Variants in MSI2 observed in about 807,000 individuals in gnomAD.
MSI2 encodes the protein RNA-binding protein Musashi homolog 2.
MSI2 carries 17 observed loss-of-function variants against 45.6 expected under a neutral mutation model. That is an observed-to-expected ratio of 0.37 (90% CI 0.26 to 0.56). The LOEUF (loss-of-function observed/expected upper bound fraction) is 0.56. Among genes scored for constraint, MSI2 ranks in the 20% least tolerant of loss-of-function variants. MSI2 has a pLI of 0.77. For synonymous variants in MSI2, 156 were observed against 158.2 expected (o/e 0.99, Z 0.11); for missense variants, 293 against 444.2 (o/e 0.66, Z 3.06).
intron 6 of MSI2, among the ~76,000 whole-genome samples, chr17:57,436,132 T>C (rs1397275404): frequency 6.6e-6 from 1 of 152,180 alleles, no homozygotes; most frequent in Non-Finnish European, 1.5e-5. Flanking sequence ...TATCACTGTA[T>C]AGTGTAGTGG....
At chr17:57,563,842 A>T (rs750666404) in intron 7 of MSI2, among the ~76,000 whole-genome samples, 119 of 150,676 alleles carry the variant, frequency 7.9e-4, no homozygotes, top group Admixed American at 1.2e-3. Context: ...TTTTCCTTTC[A>T]TCCCTCACCT....
intron 5 of MSI2, among the ~76,000 whole-genome samples, chr17:57,274,908 T>C (rs1175975420): frequency 6.6e-6 from 1 of 152,166 alleles, no homozygotes; most frequent in Non-Finnish European, 1.5e-5. Context: ...ATAGTAGGGT[T>C]GTGGGGATTA....
intron 5 of MSI2, among the ~76,000 whole-genome samples, chr17:57,289,887 G>A (rs1224986017): frequency 6.6e-6 from 1 of 152,248 alleles, no homozygotes; most frequent in African/African-American, 2.4e-5. Flanking sequence ...CCGGCAAGTT[G>A]CCATGAAGTA....
intron 6 of MSI2, among the ~76,000 whole-genome samples, chr17:57,412,934 AATG>A (rs1291431727): frequency 6.6e-6 from 1 of 152,250 alleles, no homozygotes; most frequent in Non-Finnish European, 1.5e-5. Flanking sequence ...AAATGGGGAT[AATG>A]ATGGTCTTTA....
In MSI2 at chr17:57,652,722, C is replaced by T. The variant is rs1323885228; in HGVS notation, c.790+561C>T. Among the ~76,000 whole-genome samples the T allele has an allele frequency of 6.6e-6, 1 of 152,226 alleles. No individual in the cohort carries two copies. Among genetic ancestry groups the T allele is most frequent in the Non-Finnish European group, 1.5e-5 (1 of 68,030 alleles). On this transcript the variant is annotated intron_variant, in intron 11 of 13. Transcript: ENST00000284073. This position sits in a 1 kb window ranked among gnomAD's most constrained non-coding sequence, Gnocchi z 4.1. ...TCCCAGACTCTTCTTAGCCAGACTC[C>T]TCAGCTCCAGCTGCCAAGGGAATTG...
intron 11 of MSI2, among the ~76,000 whole-genome samples, chr17:57,673,266 G>C (rs1912954755): frequency 6.6e-6 from 1 of 152,208 alleles, no homozygotes; most frequent in African/African-American, 2.4e-5. Flanking sequence ...GCTCTTCCAG[G>C]CCCACCAGAA....
chr17:57,488,482 G>C (rs2085799417), intron 6 of MSI2, among the ~76,000 whole-genome samples: 2 of 152,074 alleles, frequency 1.3e-5, no homozygotes, highest in South Asian at 4.2e-4. Flanking sequence ...GAGGTCCAGT[G>C]GTGAGTACCT....
At chr17:57,324,955 A>C (rs969748355) in intron 5 of MSI2, among the ~76,000 whole-genome samples, 2 of 152,206 alleles carry the variant, frequency 1.3e-5, no homozygotes, top group African/African-American at 4.8e-5. Flanking sequence ...TTGAGTTGCC[A>C]CAGCTCAGAG....
At chr17:57,432,628 A>G (rs1007752583) in intron 6 of MSI2, 8 of 151,502 alleles carry the variant, frequency 5.3e-5, no homozygotes, top group African/African-American at 2.0e-4. Context: ...TGACTCCCCC[A>G]CTCCCTTTCT....
At chr17:57,672,093 C>G (rs1170636077) in intron 11 of MSI2, among the ~76,000 whole-genome samples, 1 of 152,224 alleles carries the variant, frequency 6.6e-6, no homozygotes, top group African/African-American at 2.4e-5. Context: ...AGTGGGGACC[C>G]AGCAGCCCTG....
chr17:57,326,581 G>A (rs1913813291), intron 5 of MSI2, among the ~76,000 whole-genome samples: 1 of 152,218 alleles, frequency 6.6e-6, no homozygotes, highest in African/African-American at 2.4e-5. Flanking sequence ...GGCACTGTGA[G>A]AGTAAATACC....
chr17:57,524,517 C>T (rs1045048797), intron 6 of MSI2, among the ~76,000 whole-genome samples: 1 of 152,224 alleles, frequency 6.6e-6, no homozygotes, highest in African/African-American at 2.4e-5. Flanking sequence ...ATAATCTAGA[C>T]ATGAGTTTAT....
At chr17:57,363,840 T>G (rs1243770139) in intron 5 of MSI2, among the ~76,000 whole-genome samples, 1 of 152,002 alleles carries the variant, frequency 6.6e-6, no homozygotes, top group East Asian at 1.9e-4. Flanking sequence ...ATGGGAAGCC[T>G]TATGTGGGTG....
At chr17:57,658,337 C>G (rs1911752759) in intron 11 of MSI2, among the ~76,000 whole-genome samples, 1 of 152,246 alleles carries the variant, frequency 6.6e-6, no homozygotes, top group Admixed American at 6.5e-5. Context: ...AGGATCTTAC[C>G]TGAACACACA....
At position 57,401,491 on chromosome 17, in the gene MSI2, G is replaced by A. The variant is rs373822155; in HGVS notation, c.405+20G>A. The A allele has an allele frequency of 9.4e-6, 15 of 1,600,062 alleles. No individual in the cohort carries two copies. The highest frequency in any genetic ancestry group is 4.0e-5 in the African/African-American group (3 of 74,704). On this transcript the variant is annotated intron_variant, in intron 6 of 13. Transcript: ENST00000284073. ...GGCAAGGTAAGCGCTGGATGGGGTT[G>A]GATGGCACATGCCAGAAGTAGCCTC... is the stretch of plus-strand genomic sequence containing the variant.
intron 6 of MSI2, among the ~76,000 whole-genome samples, chr17:57,507,227 G>C (rs12603051): frequency 0.11 from 396 of 3,574 alleles, 7 homozygotes; most frequent in African/African-American, 0.23. Flanking sequence ...TTGTCTCTCT[G>C]TGTGTGTGTG....
intron 5 of MSI2, among the ~76,000 whole-genome samples, chr17:57,297,880 A>G (rs1471776127): frequency 6.6e-6 from 1 of 152,208 alleles, no homozygotes; most frequent in Non-Finnish European, 1.5e-5. Flanking sequence ...TTCAAGTTTT[A>G]TCATGAGATT....
intron 8 of MSI2, among the ~76,000 whole-genome samples, chr17:57,605,899 G>T (rs1173167602): frequency 6.6e-6 from 1 of 152,246 alleles, no homozygotes; most frequent in East Asian, 1.9e-4. Context: ...CACTCCTCCA[G>T]CCTTGTGGCG....
chr17:57,524,424 C>T (rs183871521), intron 6 of MSI2, among the ~76,000 whole-genome samples: 1 of 152,308 alleles, frequency 6.6e-6, no homozygotes, highest in East Asian at 1.9e-4. Flanking sequence ...TTGCAAATAG[C>T]GAATGCCTCA....
Sources: gnomAD v4.1 joint callset for allele counts (sites outside exome capture counted in the v4.1 genomes callset) on GRCh38, gnomAD v4.1.1 for gene constraint, Gnocchi (gnomAD v3.1) non-coding constraint, MANE v1.5 for transcripts, NCBI Gene and HGNC (gene_info 2026-07-23, HGNC 2026-07-21) for gene names.